Variants in DYNLL2 observed in about 807,000 individuals in gnomAD.
DYNLL2 encodes dynein light chain LC8-type 2.
DYNLL2 carries 1 observed loss-of-function variant against 9.7 expected under a neutral mutation model. That is an observed-to-expected ratio of 0.10 (90% CI 0.04 to 0.49). The LOEUF is 0.49. Ranked by LOEUF, DYNLL2 falls within the 20% of genes least tolerant of loss-of-function variation. DYNLL2 has a pLI of 0.95. For synonymous variants in DYNLL2, 35 were observed against 40.5 expected, an observed-to-expected ratio of 0.86 and a Z score of 0.52; for missense variants, 37 against 115.2, an observed-to-expected ratio of 0.32 and a Z score of 3.11.
In DYNLL2 at chr17:58,091,635, AAG is replaced by A. The variant is rs2075780532; in HGVS notation, c.*2357_*2358del. 1.3e-5 allele frequency: 2 copies of A among 152,230 alleles called. No individual in the cohort carries two copies. Among genetic ancestry groups the A allele is most frequent in the South Asian group, 4.1e-4 (2 of 4,826 alleles). 9.4% of individuals were successfully genotyped at this position (152,230 alleles called of 1,614,324 possible). A position where few individuals can be genotyped will look rare whatever the true frequency, so the allele number is the denominator to read the frequency against. On this transcript the variant is annotated 3_prime_UTR_variant, in exon 3 of 3. Coordinates refer to ENST00000579991, the MANE Select transcript of DYNLL2 (RefSeq NM_080677.3). ...TCCTGAACCTGGAGACTATTTAGCA[AAG>A]GGTCTGGCCACTCAGAAATGGAAAG...
rs2075781344 is a variant in DYNLL2 at position 58,091,855 on chromosome 17, T to G, written c.*2576T>G. The G allele has an allele frequency of 6.6e-6, 1 of 152,212 alleles. No individual in the cohort carries two copies. Among genetic ancestry groups the G allele is most frequent in the African/African-American group, 2.4e-5 (1 of 41,448 alleles). 9.4% of individuals were successfully genotyped at this position (152,212 alleles called of 1,614,324 possible). A position where few individuals can be genotyped will look rare whatever the true frequency, so the allele number is the denominator to read the frequency against. ...TTAGGGAGCCAGAGGTGCTTTGCCCTCTTTGTGTTACTATTTCTTTACTCA... is the reference window on the plus strand; with the variant it reads ...TTAGGGAGCCAGAGGTGCTTTGCCCGCTTTGTGTTACTATTTCTTTACTCA... On this transcript the variant is annotated 3_prime_UTR_variant, in exon 3 of 3. Transcript: ENST00000579991.
Position 58,089,355 on chromosome 17 carries a change from G to C in DYNLL2, c.*76G>C. 5.8e-6 allele frequency: 9 copies of C among 1,561,524 alleles called. No individual in the cohort carries two copies. The highest frequency in any genetic ancestry group is 7.8e-6 in the Non-Finnish European group (9 of 1,147,348). ...GCGTTGCTGGGACTGTTTTGCACTG[G>C]AGCCAGCATCAGGATGTCCTCTCCA... is the stretch of plus-strand genomic sequence containing the variant. On this transcript the variant is annotated 3_prime_UTR_variant, in exon 3 of 3. Transcript: ENST00000579991.
chr17:58,085,440 A>G (rs1014474813), intron 1 of DYNLL2, among the ~76,000 whole-genome samples: 2 of 152,180 alleles, frequency 1.3e-5, no homozygotes, highest in African/African-American at 4.8e-5. Flanking sequence ...CCTCCTGTGT[A>G]GCCTTCCATC....
At chr17:58,089,023 G>A in intron 2 of DYNLL2, 119 bp from the exon 3 acceptor site, 1 of 1,264,370 alleles carries the variant, frequency 7.9e-7, no homozygotes. Context: ...GAGGGATGGG[G>A]TGGGGGTGAT....
chr17:58,086,944 C>G, intron 1 of DYNLL2, 138 bp from the exon 2 acceptor site: 1 of 1,020,934 alleles, frequency 9.8e-7, no homozygotes, highest in Non-Finnish European at 1.4e-6. Flanking sequence ...GGCTCCCTCT[C>G]CTAATGCTTC....
At position 58,091,466 on chromosome 17, in the gene DYNLL2, G is replaced by A. The variant is rs1471039366; in HGVS notation, c.*2187G>A. On this transcript the variant is annotated 3_prime_UTR_variant, in exon 3 of 3. Coordinates refer to ENST00000579991, the MANE Select transcript of DYNLL2 (RefSeq NM_080677.3). Reference sequence around the variant, plus strand: ...GGGCTCCTGGGTTCTGCCTTCCTTGGTGGTGATGGCCAGGTGAATCATATT... The same window carrying A: ...GGGCTCCTGGGTTCTGCCTTCCTTGATGGTGATGGCCAGGTGAATCATATT... The A allele has an allele frequency of 1.3e-5, 2 of 152,262 alleles. No individual in the cohort carries two copies. The highest frequency in any genetic ancestry group is 2.4e-5 in the African/African-American group (1 of 41,414). 9.4% of individuals were successfully genotyped at this position (152,262 alleles called of 1,614,324 possible). A position where few individuals can be genotyped will look rare whatever the true frequency, so the allele number is the denominator to read the frequency against.
chr17:58,086,982 T>G (rs1339310183), intron 1 of DYNLL2, 100 bp from the exon 2 acceptor site: 8 of 1,451,674 alleles, frequency 5.5e-6, no homozygotes, highest in Non-Finnish European at 7.5e-6. Flanking sequence ...TGCCCTCACC[T>G]TCTATACTCC....
At chr17:58,087,000 C>T in intron 1 of DYNLL2, 82 bp from the exon 2 acceptor site, 2 of 1,546,154 alleles carry the variant, frequency 1.3e-6, no homozygotes, top group South Asian at 2.4e-5. Context: ...TCCCCTCTTG[C>T]ACTGAGACCC....
At position 58,092,436 on chromosome 17, in the gene DYNLL2, C is replaced by G. The variant is rs954193474; in HGVS notation, c.*3157C>G. ...GCAGGGCTTCCTGGAGGAGATGAGCCTCCACTTTTCGGGGCCCAGGATGGG... is the reference window on the plus strand; with the variant it reads ...GCAGGGCTTCCTGGAGGAGATGAGCGTCCACTTTTCGGGGCCCAGGATGGG... On this transcript the variant is annotated 3_prime_UTR_variant, in exon 3 of 3. Transcript: ENST00000579991. 1.3e-5 allele frequency: 2 copies of G among 152,226 alleles called. No individual in the cohort carries two copies. Among genetic ancestry groups the G allele is most frequent in the Non-Finnish European group, 2.9e-5 (2 of 68,086 alleles). 9.4% of individuals were successfully genotyped at this position (152,226 alleles called of 1,614,324 possible).
In DYNLL2 at chr17:58,089,210, A is replaced by G. The variant is rs2075771307; in HGVS notation, c.201A>G (p.Thr67=). The part of the protein sequence containing the change: ...IVGRNFGSYV[T]HETKHFIYFY... The stretch of plus-strand genomic sequence containing the variant: ...GCCGAAATTTTGGCAGCTACGTCAC[A>G]CACGAGACAAAGCACTTCATCTATT... The change falls in exon 3 of 3, where the codon ACA becomes ACG. Residue 67 remains threonine (T), a synonymous_variant. Transcript: ENST00000579991. The G allele has an allele frequency of 1.2e-6, 2 of 1,614,132 alleles. No individual in the cohort carries two copies. Among genetic ancestry groups the G allele is most frequent in the African/African-American group, 2.7e-5 (2 of 75,032 alleles).
intron 1 of DYNLL2, among the ~76,000 whole-genome samples, chr17:58,084,938 T>C (rs2075753619): frequency 1.3e-5 from 2 of 151,612 alleles, no homozygotes; most frequent in African/African-American, 4.8e-5. Flanking sequence ...CCTTTCTCCC[T>C]GTGCTGCTGT....
At chr17:58,083,923 G>A (rs1463697805) in intron 1 of DYNLL2, among the ~76,000 whole-genome samples, 2 of 151,658 alleles carry the variant, frequency 1.3e-5, no homozygotes, top group African/African-American at 4.8e-5. Context: ...CACCCTCGTG[G>A]CGCTGCTGGA....
At chr17:58,089,016 G>A (rs542499037) in intron 2 of DYNLL2, 126 bp from the exon 3 acceptor site, 29 of 1,175,886 alleles carry the variant, frequency 2.5e-5, no homozygotes, top group South Asian at 2.1e-4. Context: ...TGAGGCTGAG[G>A]GATGGGGTGG....
At chr17:58,084,681 T>C (rs1387804796) in intron 1 of DYNLL2, among the ~76,000 whole-genome samples, 1 of 152,222 alleles carries the variant, frequency 6.6e-6, no homozygotes, top group East Asian at 1.9e-4. Context: ...GGCTCTTTCC[T>C]GGAGAGTAAG....
chr17:58,089,645 G>C lies in DYNLL2; in HGVS notation c.*366G>C, dbSNP rs948074951. The C allele has an allele frequency of 9.5e-6, 4 of 420,214 alleles. No homozygotes were observed. In the East Asian group the frequency reaches 1.4e-4, roughly 15 times the overall value. The allele number at this position is 420,214 out of a possible 1,614,324, so 26.0% of individuals were successfully genotyped here. On this transcript the variant is annotated 3_prime_UTR_variant, in exon 3 of 3. Transcript: ENST00000579991. The stretch of plus-strand genomic sequence containing the variant: ...CTAGGAGGGCTGAGGAAAAGAAATA[G>C]GTCTCTGGAGGTGGAACTAAAACTG...
At chr17:58,085,244 C>A (rs112737461) in intron 1 of DYNLL2, among the ~76,000 whole-genome samples, 1 of 152,142 alleles carries the variant, frequency 6.6e-6, no homozygotes, top group Non-Finnish European at 1.5e-5. Context: ...GATGAAGGGG[C>A]CTTGGATGCG....
intron 1 of DYNLL2, among the ~76,000 whole-genome samples, chr17:58,085,542 G>A (rs774595356): frequency 9.9e-5 from 15 of 152,160 alleles, no homozygotes; most frequent in Non-Finnish European, 1.6e-4. Context: ...GATAGTTACT[G>A]CTCCATGTGT....
At chr17:58,086,878 G>A (rs1174083268) in intron 1 of DYNLL2, among the ~76,000 whole-genome samples, 1 of 152,166 alleles carries the variant, frequency 6.6e-6, no homozygotes, top group African/African-American at 2.4e-5. Flanking sequence ...GAGTTATTAT[G>A]TCCTATTGGC....
At chr17:58,086,110 C>A (rs1430691639) in intron 1 of DYNLL2, among the ~76,000 whole-genome samples, 10 of 152,154 alleles carry the variant, frequency 6.6e-5, no homozygotes, top group Admixed American at 6.5e-4. Flanking sequence ...CCAGCCAAGT[C>A]TGAGGTTGCC....
Sources: allele counts gnomAD v4.1 joint callset (sites outside exome capture counted in the v4.1 genomes callset), GRCh38; gene constraint gnomAD v4.1.1; transcripts MANE v1.5; gene names NCBI Gene and HGNC (gene_info 2026-07-23, HGNC 2026-07-21).